The following MDFIC variants were observed in gnomAD, a reference collection of about 807,000 sequenced individuals.
MDFIC encodes myoD family inhibitor domain-containing protein.
MDFIC carries 17 observed loss-of-function variants against 23.2 expected under a neutral mutation model. The observed-to-expected ratio is 0.73, with a 90% CI of 0.50 to 1.10. MDFIC has a LOEUF of 1.10. Ranked by LOEUF, MDFIC falls within the 50% of genes least tolerant of loss-of-function variation. MDFIC has a pLI of 0.00. For missense variants in MDFIC, 356 were observed against 316.6 expected (o/e 1.12, Z -0.95); for synonymous variants, 120 against 115.2 (o/e 1.04, Z -0.27).
chr7:115,006,478 C>T (rs952305601), intron 4 of MDFIC, among the ~76,000 whole-genome samples: 4 of 152,182 alleles, frequency 2.6e-5, no homozygotes, highest in Admixed American at 2.0e-4. Context: ...TTTACAGAAT[C>T]ACCCAGTGGG....
chr7:115,008,764 C>T (rs1417504844), intron 4 of MDFIC, among the ~76,000 whole-genome samples: 1 of 152,216 alleles, frequency 6.6e-6, no homozygotes. Flanking sequence ...GCTAGATGCT[C>T]ACTTAGCAAT....
intron 3 of MDFIC, among the ~76,000 whole-genome samples, chr7:114,950,565 A>G (rs1349576850): frequency 2.0e-5 from 3 of 152,200 alleles, no homozygotes; most frequent in East Asian, 1.9e-4. Flanking sequence ...AGGTATAGAT[A>G]TAGTAAATGA....
intron 4 of MDFIC, among the ~76,000 whole-genome samples, chr7:114,984,529 T>C (rs1293955100): frequency 6.6e-6 from 1 of 152,322 alleles, no homozygotes; most frequent in South Asian, 2.1e-4. Flanking sequence ...AAAAACCATG[T>C]GGCAAAAAAA....
chr7:114,987,105 C>T (rs1242911279), intron 4 of MDFIC, among the ~76,000 whole-genome samples: 1 of 152,080 alleles, frequency 6.6e-6, no homozygotes, highest in African/African-American at 2.4e-5. Flanking sequence ...CAAAAAGAGA[C>T]CCAGCAGAGG....
chr7:114,978,035 A>C (rs1353506781), intron 3 of MDFIC, among the ~76,000 whole-genome samples: 1 of 149,118 alleles, frequency 6.7e-6, no homozygotes, highest in African/African-American at 2.4e-5. Flanking sequence ...GGTATAATAA[A>C]ATAATTATGC....
intron 3 of MDFIC, among the ~76,000 whole-genome samples, 166 bp from the exon 4 acceptor site, chr7:114,979,339 CT>C (rs1793373987): frequency 6.6e-6 from 1 of 152,010 alleles, no homozygotes; most frequent in South Asian, 2.1e-4. Flanking sequence ...GTAAATTATA[CT>C]TTCTCTATGT....
At chr7:114,958,370 C>T (rs181070662) in intron 3 of MDFIC, among the ~76,000 whole-genome samples, 14 of 152,294 alleles carry the variant, frequency 9.2e-5, no homozygotes, top group African/African-American at 2.4e-4. Context: ...AAACAAAATA[C>T]GCTCTCTTCT....
chr7:114,991,291 C>T (rs920389575), intron 4 of MDFIC, among the ~76,000 whole-genome samples: 51 of 152,136 alleles, frequency 3.4e-4, no homozygotes, highest in African/African-American at 1.1e-3. Context: ...TTCTCCAATT[C>T]TGTAGGTTGC....
At chr7:114,924,731 G>A (rs950528844) in intron 2 of MDFIC, among the ~76,000 whole-genome samples, 7 of 152,110 alleles carry the variant, frequency 4.6e-5, no homozygotes, top group Admixed American at 1.3e-4. Context: ...TTTAAATAGG[G>A]ATCAGTTTAA....
intron 2 of MDFIC, among the ~76,000 whole-genome samples, chr7:114,929,988 A>G (rs1284896911): frequency 6.6e-6 from 1 of 152,204 alleles, no homozygotes; most frequent in Non-Finnish European, 1.5e-5. Context: ...GAAAATGAAT[A>G]TTGAGGGCCT....
At chr7:114,980,752 TTAAG>T (rs750127114) in intron 4 of MDFIC, among the ~76,000 whole-genome samples, 2 of 152,168 alleles carry the variant, frequency 1.3e-5, no homozygotes, top group Non-Finnish European at 2.9e-5. Flanking sequence ...CTATGAAATC[TTAAG>T]TAAGAGAAAT....
intron 4 of MDFIC, among the ~76,000 whole-genome samples, chr7:114,988,743 C>T (rs1319059081): frequency 2.0e-5 from 3 of 152,052 alleles, no homozygotes; most frequent in Non-Finnish European, 4.4e-5. Context: ...TATGATTATA[C>T]GTAATTCAAG....
At chr7:114,950,771 T>TG (rs1276540870) in intron 3 of MDFIC, among the ~76,000 whole-genome samples, 3 of 152,082 alleles carry the variant, frequency 2.0e-5, no homozygotes, top group Non-Finnish European at 4.4e-5. Flanking sequence ...ATATAACAGC[T>TG]GGGGAAGAGG....
At chr7:114,994,316 G>A (rs996397184) in intron 4 of MDFIC, among the ~76,000 whole-genome samples, 3 of 151,994 alleles carry the variant, frequency 2.0e-5, no homozygotes, top group Non-Finnish European at 2.9e-5. Context: ...TTGCCAGTCC[G>A]TGTCTTTTAA....
chr7:114,938,594 C>T (rs1331554901), intron 2 of MDFIC, among the ~76,000 whole-genome samples: 1 of 152,078 alleles, frequency 6.6e-6, no homozygotes, highest in African/African-American at 2.4e-5. Flanking sequence ...GCGGTTCTAA[C>T]CCTGAGCCAA....
At chr7:114,966,375 G>C (rs1793096208) in intron 3 of MDFIC, among the ~76,000 whole-genome samples, 1 of 144,738 alleles carries the variant, frequency 6.9e-6, no homozygotes, top group Non-Finnish European at 1.5e-5. Flanking sequence ...TGTGTTCATT[G>C]TGCTCACTCT....
At chr7:114,969,911 T>C (rs1793175641) in intron 3 of MDFIC, among the ~76,000 whole-genome samples, 1 of 152,174 alleles carries the variant, frequency 6.6e-6, no homozygotes, top group African/African-American at 2.4e-5. Context: ...CAGAAATCTG[T>C]CCTAAATCAA....
chr7:115,014,112 C>T, intron 4 of MDFIC: 10 of 985,412 alleles, frequency 1.0e-5, no homozygotes, highest in Non-Finnish European at 1.1e-5. Flanking sequence ...TTTTCACCAT[C>T]TGCCAAGTGG....
intron 4 of MDFIC, among the ~76,000 whole-genome samples, chr7:114,984,481 G>A (rs1793476280): frequency 6.6e-6 from 1 of 151,766 alleles, no homozygotes; most frequent in African/African-American, 2.4e-5. Context: ...CAAAAAAAAT[G>A]TTCTTTTAAA....
Sources: gnomAD v4.1 joint callset for allele counts (sites outside exome capture counted in the v4.1 genomes callset) on GRCh38, gnomAD v4.1.1 for gene constraint, MANE v1.5 for transcripts, NCBI Gene and HGNC (gene_info 2026-07-23, HGNC 2026-07-21) for gene names.